The following LHFPL3 variants were observed in gnomAD, a reference collection of about 807,000 sequenced individuals.
LHFPL3 encodes the protein LHFPL tetraspan subfamily member 3 protein.
In LHFPL3, 5 loss-of-function variants were observed where a neutral mutation model predicts 19.3. The observed-to-expected ratio is 0.26, with a 90% CI of 0.14 to 0.54. The LOEUF (loss-of-function observed/expected upper bound fraction) is 0.54. Among genes scored for constraint, LHFPL3 ranks in the 20% least tolerant of loss-of-function variants. The probability of loss-of-function intolerance (pLI) is 0.94; values close to 1 mark genes in which losing one functional copy is unlikely to be tolerated. For synonymous variants in LHFPL3, 133 were observed against 126.2 expected, an observed-to-expected ratio of 1.05 and a Z score of -0.36; for missense variants, 249 against 307.4, an observed-to-expected ratio of 0.81 and a Z score of 1.42.
At chr7:104,618,634 A>T (rs1048198399) in intron 1 of LHFPL3, among the ~76,000 whole-genome samples, 3 of 152,082 alleles carry the variant, frequency 2.0e-5, no homozygotes, top group Non-Finnish European at 2.9e-5. Flanking sequence ...GTTATGTCAT[A>T]GACCTAGATA....
chr7:104,447,202 T>C (rs1323255221), intron 1 of LHFPL3, among the ~76,000 whole-genome samples: 1 of 152,182 alleles, frequency 6.6e-6, no homozygotes, highest in Non-Finnish European at 1.5e-5. Context: ...AGTCTCAGAC[T>C]GCATGCAGAG....
intron 1 of LHFPL3, among the ~76,000 whole-genome samples, chr7:104,541,385 C>T (rs1794484088): frequency 6.6e-6 from 1 of 152,122 alleles, no homozygotes; most frequent in African/African-American, 2.4e-5. Context: ...AGAGGAGGCA[C>T]CAGATGATAC....
chr7:104,430,764 G>C (rs1178564480), intron 1 of LHFPL3, among the ~76,000 whole-genome samples: 1 of 151,692 alleles, frequency 6.6e-6, no homozygotes, highest in African/African-American at 2.4e-5. Flanking sequence ...CACTGCGCCC[G>C]GCCCTTCTGT....
chr7:104,464,817 A>G (rs1443816849), intron 1 of LHFPL3, among the ~76,000 whole-genome samples: 1 of 151,910 alleles, frequency 6.6e-6, no homozygotes, highest in Non-Finnish European at 1.5e-5. Flanking sequence ...TGCTGTGAAG[A>G]TCTCTGACTT....
intron 2 of LHFPL3, among the ~76,000 whole-genome samples, chr7:104,780,824 C>G (rs1232852507): frequency 1.3e-5 from 2 of 152,204 alleles, no homozygotes. Context: ...CTGCAGACCC[C>G]AGACTCTGCA....
chr7:104,518,562 T>A (rs925790615), intron 1 of LHFPL3, among the ~76,000 whole-genome samples: 5 of 152,162 alleles, frequency 3.3e-5, no homozygotes, highest in Admixed American at 3.3e-4. Flanking sequence ...GGCAGGCAGG[T>A]CACCTGAGGT....
chr7:104,612,336 G>A (rs1346053294), intron 1 of LHFPL3, among the ~76,000 whole-genome samples: 1 of 152,100 alleles, frequency 6.6e-6, no homozygotes, highest in African/African-American at 2.4e-5. Flanking sequence ...AAAATAAAAT[G>A]AGTCAAGTAA....
At chr7:104,457,031 T>C (rs897281189) in intron 1 of LHFPL3, among the ~76,000 whole-genome samples, 1 of 152,170 alleles carries the variant, frequency 6.6e-6, no homozygotes, top group African/African-American at 2.4e-5. Context: ...AGTTAGGAGA[T>C]GTTGCCAATG....
At chr7:104,832,838 G>A (rs1324306802) in intron 2 of LHFPL3, among the ~76,000 whole-genome samples, 35 of 145,740 alleles carry the variant, frequency 2.4e-4, no homozygotes, top group African/African-American at 7.5e-4. Flanking sequence ...TTAGCTAGGC[G>A]TGGTGGCATG....
chr7:104,901,285 T>G (rs1234776142), intron 2 of LHFPL3, among the ~76,000 whole-genome samples: 1 of 152,234 alleles, frequency 6.6e-6, no homozygotes, highest in Admixed American at 6.5e-5. Context: ...CCCAACAAAG[T>G]GTTTTCCTGA....
intron 1 of LHFPL3, among the ~76,000 whole-genome samples, chr7:104,362,587 G>A (rs1790406569): frequency 6.6e-6 from 1 of 152,164 alleles, no homozygotes; most frequent in African/African-American, 2.4e-5. Context: ...TGCTATGTAA[G>A]GATGTAACTG....
intron 2 of LHFPL3, among the ~76,000 whole-genome samples, chr7:104,892,908 T>C (rs1178697295): frequency 6.6e-6 from 1 of 152,110 alleles, no homozygotes; most frequent in Non-Finnish European, 1.5e-5. Context: ...ATTATAGAGC[T>C]ATACAATCAT....
intron 1 of LHFPL3, among the ~76,000 whole-genome samples, chr7:104,523,371 G>T (rs1794117089): frequency 6.6e-6 from 1 of 152,126 alleles, no homozygotes; most frequent in Non-Finnish European, 1.5e-5. Flanking sequence ...CTTTGAGAAT[G>T]CAATAAATCA....
At chr7:104,814,624 T>C (rs1164689301) in intron 2 of LHFPL3, among the ~76,000 whole-genome samples, 1 of 152,148 alleles carries the variant, frequency 6.6e-6, no homozygotes, top group Non-Finnish European at 1.5e-5. Context: ...CCTGTCTGCC[T>C]CCCTCTGCCT....
rs1001545750 is a variant in LHFPL3, at chr7:104,566,836, C to T, written c.446-169839C>T. ...AGCACCAAAGGAAAACATTATTTCT[C>T]AAATGTAACTCCCCATTTCAAATCT... On this transcript the variant is annotated intron_variant, in intron 1 of 2. Coordinates refer to ENST00000424859, the MANE Select transcript of LHFPL3 (RefSeq NM_199000.3). 2.0e-5 allele frequency among the ~76,000 whole-genome samples: 3 copies of T among 152,344 alleles called. No homozygotes were observed. The South Asian group carries it at 6.2e-4, about 32-fold the overall frequency.
rs1246211662 is a variant in LHFPL3 at position 104,464,988 on chromosome 7, C to T, written c.445+135764C>T. Among the ~76,000 whole-genome samples the T allele has an allele frequency of 4.6e-5, 7 of 152,270 alleles. 1 individual carries two copies. In the East Asian group the frequency reaches 9.6e-4, roughly 21 times the overall value. ...TCTCTAAATTTTTATGCTTTGCTTCCTCTTAAATGCTTTGCTACTTAGAAA... is the reference window on the plus strand; with the variant it reads ...TCTCTAAATTTTTATGCTTTGCTTCTTCTTAAATGCTTTGCTACTTAGAAA... On this transcript the variant is annotated intron_variant, in intron 1 of 2. Coordinates refer to ENST00000424859, the MANE Select transcript of LHFPL3 (RefSeq NM_199000.3).
chr7:104,487,233 T>TAC (rs1234001998), intron 1 of LHFPL3, among the ~76,000 whole-genome samples: 1 of 152,246 alleles, frequency 6.6e-6, no homozygotes, highest in Non-Finnish European at 1.5e-5. Context: ...TATTCCTGAT[T>TAC]ACACAACCAT....
intron 1 of LHFPL3, among the ~76,000 whole-genome samples, chr7:104,590,323 CG>C (rs1346610331): frequency 1.3e-5 from 2 of 152,090 alleles, no homozygotes; most frequent in Non-Finnish European, 2.9e-5. Context: ...TCTTTGTTCT[CG>C]TTGGTTTCAA....
chr7:104,667,656 A>G, intron 1 of LHFPL3: 2 of 914,286 alleles, frequency 2.2e-6, no homozygotes, highest in African/African-American at 3.3e-5. Context: ...CCAAGGGTAA[A>G]TAGTAACTAA....
Sources: gnomAD v4.1 joint callset for allele counts (sites outside exome capture counted in the v4.1 genomes callset) on GRCh38, gnomAD v4.1.1 for gene constraint, MANE v1.5 for transcripts, NCBI Gene and HGNC (gene_info 2026-07-23, HGNC 2026-07-21) for gene names.